Variants in CST7 observed in about 807,000 individuals in gnomAD.
CST7 encodes cystatin-F.
A neutral mutation model predicts 13.1 loss-of-function variants in CST7; 15 were observed. That is an observed-to-expected ratio of 1.14 (90% CI 0.77 to 1.76). The LOEUF (loss-of-function observed/expected upper bound fraction) is 1.76, where lower values mean the gene tolerates loss of function less well. CST7 is among the 40% of genes most tolerant of loss of function. CST7 has a pLI of 0.00. For missense variants in CST7, 193 were observed against 178.8 expected (o/e 1.08, Z -0.45); for synonymous variants, 75 against 66.9 (o/e 1.12, Z -0.59).
intron 1 of CST7, 109 bp from the exon 2 acceptor site, chr20:24,957,178 G>A: frequency 8.4e-7 from 1 of 1,184,362 alleles, no homozygotes; most frequent in South Asian, 1.4e-5. Flanking sequence ...GTAGGGCCAG[G>A]ACACACACGC....
At chr20:24,952,659 C>T (rs1337098596) in intron 1 of CST7, among the ~76,000 whole-genome samples, 1 of 152,166 alleles carries the variant, frequency 6.6e-6, no homozygotes, top group Non-Finnish European at 1.5e-5. Context: ...TGATGGGGGC[C>T]GATGGGGCCC....
intron 1 of CST7, among the ~76,000 whole-genome samples, chr20:24,950,691 T>C (rs1395524076): frequency 6.6e-6 from 1 of 151,628 alleles, no homozygotes; most frequent in Non-Finnish European, 1.5e-5. Flanking sequence ...TACCCGGCCC[T>C]GCCTCCCAGC....
chr20:24,953,137 C>T lies in CST7; in HGVS notation c.70+3562C>T, dbSNP rs139947106. On this transcript the variant is annotated intron_variant, in intron 1 of 3. Transcript: ENST00000480798. Reference sequence around the variant, plus strand: ...GCCTGGCAGCTTCACATCTGCACCCCATTGCACACTGGTCCTCGGGCACCC... The same window carrying T: ...GCCTGGCAGCTTCACATCTGCACCCTATTGCACACTGGTCCTCGGGCACCC... 2.6e-5 allele frequency among the ~76,000 whole-genome samples: 4 copies of T among 152,356 alleles called. No homozygotes were observed. The East Asian group carries it at 7.7e-4, about 29-fold the overall frequency.
At position 24,959,659 on chromosome 20, in the gene CST7, T is replaced by C. The variant is rs772840829; in HGVS notation, c.385T>C (p.Trp129Arg). ...KQTLSCYSEV[W>R]VVPWLQHFEV... is the part of the protein sequence containing the mutation. ...GACTCTGAGCTGCTACTCTGAAGTC[T>C]GGGTCGTGCCCTGGCTCCAGCACTT... is the stretch of plus-strand genomic sequence containing the variant. The change falls in exon 4 of 4, where the codon TGG becomes CGG. Residue 129 changes from tryptophan to arginine, a missense_variant. Transcript: ENST00000480798. 8 of 1,614,048 alleles carry C rather than the reference T, an allele frequency of 5.0e-6. No individual in the cohort carries two copies. In the South Asian group the frequency reaches 6.6e-5, roughly 13 times the overall value.
chr20:24,956,710 G>A (rs926197321), intron 1 of CST7, among the ~76,000 whole-genome samples: 1 of 151,976 alleles, frequency 6.6e-6, no homozygotes, highest in African/African-American at 2.4e-5. Flanking sequence ...TGAGAGCCAG[G>A]CGGGCAAAAG....
chr20:24,959,751 C>T lies in CST7; in HGVS notation c.*39C>T. 1 of 1,589,336 alleles carries T rather than the reference C, an allele frequency of 6.3e-7. No individual in the cohort carries two copies. Among genetic ancestry groups the T allele is most frequent in the South Asian group, 1.1e-5 (1 of 90,556 alleles). On this transcript the variant is annotated 3_prime_UTR_variant, in exon 4 of 4. Coordinates refer to ENST00000480798, the MANE Select transcript of CST7 (RefSeq NM_003650.4). ...AGCAAGACCACAGCCATGACAAACACCAGGATGCATGCTCCTTGTCCCCTC... is the reference window on the plus strand; with the variant it reads ...AGCAAGACCACAGCCATGACAAACATCAGGATGCATGCTCCTTGTCCCCTC...
intron 3 of CST7, among the ~76,000 whole-genome samples, chr20:24,959,431 G>A (rs1035570521): frequency 2.6e-5 from 4 of 152,098 alleles, no homozygotes; most frequent in Non-Finnish European, 5.9e-5. Context: ...GCAAGAGAAC[G>A]GGAACACAGC....
chr20:24,950,942 C>A (rs2087815203), intron 1 of CST7, among the ~76,000 whole-genome samples: 1 of 152,206 alleles, frequency 6.6e-6, no homozygotes, highest in Non-Finnish European at 1.5e-5. Flanking sequence ...AGCCAGCTGT[C>A]CTAGCGTGTC....
At chr20:24,949,944 C>A (rs893739910) in intron 1 of CST7, among the ~76,000 whole-genome samples, 5 of 152,354 alleles carry the variant, frequency 3.3e-5, no homozygotes, top group Non-Finnish European at 7.4e-5. Flanking sequence ...CCGCTTCTAT[C>A]TGATGGCTTG....
At chr20:24,959,556 A>G in intron 3 of CST7, 79 bp from the exon 4 acceptor site, 2 of 1,351,946 alleles carry the variant, frequency 1.5e-6, no homozygotes, top group South Asian at 2.3e-5. Context: ...GAGCTCCTCC[A>G]TGAGGACCAC....
intron 1 of CST7, among the ~76,000 whole-genome samples, chr20:24,953,229 C>G (rs2087831639): frequency 6.6e-6 from 1 of 152,178 alleles, no homozygotes; most frequent in South Asian, 2.1e-4. Context: ...AGCAGAAAAG[C>G]AGGGTGATCG....
At position 24,949,416 on chromosome 20, in the gene CST7, C is replaced by T. The variant is rs980614478; in HGVS notation, c.-90C>T. On this transcript the variant is annotated 5_prime_UTR_variant, in exon 1 of 4. Transcript: ENST00000480798. Reference sequence around the variant, plus strand: ...TACCCAAGAAGGCTCGGCACGGGCACCAACCACTGCCTCCAACTGCCCCAT... The same window carrying T: ...TACCCAAGAAGGCTCGGCACGGGCATCAACCACTGCCTCCAACTGCCCCAT... 1.2e-6 allele frequency: 2 copies of T among 1,609,184 alleles called. No individual in the cohort carries two copies. The highest frequency in any genetic ancestry group is 1.7e-6 in the Non-Finnish European group (2 of 1,177,238).
At chr20:24,949,599 G>A (rs369054305) in intron 1 of CST7, 24 bp downstream of exon 1, 60 of 1,612,656 alleles carry the variant, frequency 3.7e-5, no homozygotes, top group African/African-American at 3.5e-4. Context: ...TCCCCTGTCC[G>A]CTCCCCGGGG....
chr20:24,959,650 T>A lies in CST7; in HGVS notation c.376T>A (p.Ser126Thr), dbSNP rs1220854788. ...HTLKQTLSCYSEVWVVPWLQH... is the reference protein window; with the variant it reads ...HTLKQTLSCYTEVWVVPWLQH... Reference sequence around the variant, plus strand: ...TCTGTTTCAGACTCTGAGCTGCTACTCTGAAGTCTGGGTCGTGCCCTGGCT... The same window carrying A: ...TCTGTTTCAGACTCTGAGCTGCTACACTGAAGTCTGGGTCGTGCCCTGGCT... Residue 126 changes from serine (S) to threonine (T), a missense_variant, in exon 4 of 4, where the codon TCT becomes ACT. Physicochemically the swap from Ser to Thr is moderately conservative, Grantham distance 58. Transcript: ENST00000480798. 6.2e-7 allele frequency: 1 copy of A among 1,614,018 alleles called. No individual in the cohort carries two copies. Among genetic ancestry groups the A allele is most frequent in the Non-Finnish European group, 8.5e-7 (1 of 1,180,024 alleles).
At chr20:24,953,168 G>A (rs936847599) in intron 1 of CST7, among the ~76,000 whole-genome samples, 3 of 152,242 alleles carry the variant, frequency 2.0e-5, no homozygotes, top group Non-Finnish European at 2.9e-5. Context: ...CACCCGGACA[G>A]GACTTTGCCC....
chr20:24,956,812 A>G (rs993178197), intron 1 of CST7, among the ~76,000 whole-genome samples: 6 of 151,910 alleles, frequency 3.9e-5, no homozygotes, highest in African/African-American at 1.4e-4. Context: ...GACTTTCCCT[A>G]CATCCTAAGG....
intron 2 of CST7, among the ~76,000 whole-genome samples, chr20:24,957,997 T>C (rs1375939211): frequency 2.0e-5 from 3 of 152,046 alleles, no homozygotes; most frequent in Non-Finnish European, 2.9e-5. Context: ...AGAGGACCCT[T>C]GTCTGTGTCC....
intron 1 of CST7, among the ~76,000 whole-genome samples, chr20:24,953,728 G>A (rs764200323): frequency 5.9e-5 from 9 of 152,180 alleles, no homozygotes; most frequent in South Asian, 4.1e-4. Context: ...AGGCTGCCCC[G>A]GCAGGCTCCT....
chr20:24,950,999 T>C (rs1274640477), intron 1 of CST7, among the ~76,000 whole-genome samples: 1 of 152,224 alleles, frequency 6.6e-6, no homozygotes, highest in African/African-American at 2.4e-5. Flanking sequence ...TTCAGAGCTC[T>C]GCTCATCTCA....
Sources: allele counts gnomAD v4.1 joint callset (sites outside exome capture counted in the v4.1 genomes callset), GRCh38; gene constraint gnomAD v4.1.1; transcripts MANE v1.5; gene names NCBI Gene and HGNC (gene_info 2026-07-23, HGNC 2026-07-21).